SUN1: variants seen among roughly 807,000 people sequenced by gnomAD.
The protein encoded by SUN1 is Sad1 and UNC84 domain containing 1, also known as SUN domain-containing protein 1.
In SUN1, 61 loss-of-function variants were observed where a neutral mutation model predicts 103.2. The ratio of observed to expected loss-of-function variants is 0.59; its 90% CI spans 0.48 to 0.73. SUN1 has a LOEUF of 0.73. Ranked by LOEUF, SUN1 falls within the 30% of genes least tolerant of loss-of-function variation. SUN1 has a pLI of 0.00. For missense variants in SUN1, 1,052 were observed against 1,034.6 expected, an observed-to-expected ratio of 1.02 and a Z score of -0.23; for synonymous variants, 490 against 425.7, an observed-to-expected ratio of 1.15 and a Z score of -1.86.
At chr7:850,873 C>A (rs763294937) in intron 5 of SUN1, 1 of 152,116 alleles carries the variant, frequency 6.6e-6, no homozygotes, top group Non-Finnish European at 1.5e-5. Flanking sequence ...TGGCACATTC[C>A]GTCATCCGGC....
chr7:858,482 C>T (rs1402990605), intron 13 of SUN1, among the ~76,000 whole-genome samples: 1 of 152,204 alleles, frequency 6.6e-6, no homozygotes, highest in Non-Finnish European at 1.5e-5. Flanking sequence ...CACCACTGTG[C>T]GTCAGCACCC....
chr7:817,336 G>C (rs1781662137), intron 1 of SUN1: 4 of 1,310,402 alleles, frequency 3.1e-6, no homozygotes, highest in Non-Finnish European at 3.2e-6. Context: ...CGATCCCCTC[G>C]CCCCAGCCTG....
At chr7:845,861 C>G (rs1210142594) in intron 5 of SUN1, among the ~76,000 whole-genome samples, 1 of 152,056 alleles carries the variant, frequency 6.6e-6, no homozygotes, top group African/African-American at 2.4e-5. Flanking sequence ...ATGAAATGAA[C>G]CATTAACGTG....
At chr7:851,539 C>G (rs1351585922) in intron 6 of SUN1, 57 bp downstream of exon 6, 1 of 1,356,700 alleles carries the variant, frequency 7.4e-7, no homozygotes, top group Non-Finnish European at 9.9e-7. Context: ...CAGCTAAGCA[C>G]CTGCACTCGA....
chr7:822,237 TATTA>T (rs1216230157), intron 1 of SUN1, among the ~76,000 whole-genome samples: 5 of 152,274 alleles, frequency 3.3e-5, no homozygotes, highest in African/African-American at 9.6e-5. Context: ...TCTTGTAATT[TATTA>T]GTCAGTTTTA....
chr7:826,442 G>A (rs1792052368), intron 1 of SUN1, among the ~76,000 whole-genome samples: 1 of 152,138 alleles, frequency 6.6e-6, no homozygotes, highest in Admixed American at 6.5e-5. Context: ...GCGAAACATC[G>A]CTGCCCAGCC....
At chr7:846,632 G>A (rs1816076288) in intron 5 of SUN1, among the ~76,000 whole-genome samples, 1 of 152,048 alleles carries the variant, frequency 6.6e-6, no homozygotes, top group Non-Finnish European at 1.5e-5. Context: ...CCCAGATCTT[G>A]TGGGAGGCGG....
At chr7:866,108 T>C in intron 16 of SUN1, 41 bp downstream of exon 16, 2 of 1,563,218 alleles carry the variant, frequency 1.3e-6, no homozygotes, top group Non-Finnish European at 1.8e-6. Context: ...CTCTTCAGCA[T>C]GGACTCGGTT....
intron 12 of SUN1, among the ~76,000 whole-genome samples, chr7:856,910 G>A (rs568094985): frequency 6.6e-6 from 1 of 152,210 alleles, no homozygotes; most frequent in South Asian, 2.1e-4. Flanking sequence ...GGCGTGTCAC[G>A]GTGGGCCTCT....
In SUN1 at chr7:841,942, T is replaced by C; in HGVS notation, c.267-4T>C. 6.2e-7 allele frequency: 1 copy of C among 1,613,956 alleles called. No homozygotes were observed. ...ATAAACTTGCTGTTTTTTTTTCTTC[T>C]TAGAACAACAAAACAGCGCAGAAGC... On this transcript the variant is annotated splice_polypyrimidine_tract_variant and splice_region_variant and intron_variant, in intron 2 of 18. Coordinates refer to ENST00000401592, the MANE Select transcript of SUN1 (RefSeq NM_001130965.3).
In SUN1 at chr7:866,058, G is replaced by C. The variant is rs367921530; in HGVS notation, c.1971G>C (p.Val657=). The change falls in exon 16 of 19, where the codon GTG becomes GTC. Residue 657 remains valine, a synonymous_variant. Coordinates refer to ENST00000401592, the MANE Select transcript of SUN1 (RefSeq NM_001130965.3). ...GGTACTTCTCGCAGTCCCCGCGCGT[G>C]GTCATCCAGGTGAGTGGCCGCCGGT... The part of the protein sequence containing the change: ...PLWYFSQSPR[V]VIQPDIYPGN... The C allele has an allele frequency of 6.2e-7, 1 of 1,614,008 alleles. No homozygotes were observed. Among genetic ancestry groups the C allele is most frequent in the Non-Finnish European group, 8.5e-7 (1 of 1,179,952 alleles).
At chr7:826,230 A>G (rs1337237332) in intron 1 of SUN1, among the ~76,000 whole-genome samples, 4 of 152,194 alleles carry the variant, frequency 2.6e-5, no homozygotes, top group African/African-American at 9.7e-5. Flanking sequence ...CCTGTCTCTT[A>G]AAATACATAC....
intron 5 of SUN1, chr7:848,706 G>A (rs972516435): frequency 4.1e-5 from 36 of 872,652 alleles, no homozygotes; most frequent in South Asian, 8.1e-5. Flanking sequence ...CGCCTCCCTC[G>A]CTGCCTCCTC....
upstream of SUN1, chr7:832,208 C>A (rs1032433943): frequency 1.3e-6 from 1 of 748,758 alleles, no homozygotes; most frequent in Non-Finnish European, 1.8e-6. Context: ...CTGAGTTTCT[C>A]TCCGTGTTTC....
intron 11 of SUN1, among the ~76,000 whole-genome samples, chr7:855,894 C>G (rs1357680235): frequency 1.3e-5 from 2 of 152,148 alleles, no homozygotes; most frequent in African/African-American, 4.8e-5. Context: ...GTCTGTGGGG[C>G]GCCTCCTCCT....
At chr7:847,536 C>G (rs1817381876) in intron 5 of SUN1, among the ~76,000 whole-genome samples, 1 of 73,506 alleles carries the variant, frequency 1.4e-5, no homozygotes, top group African/African-American at 5.6e-5. Context: ...CTGGGGGTTA[C>G]CCCGCAGTCC....
chr7:850,773 A>C (rs1821136550), intron 5 of SUN1: 3 of 148,304 alleles, frequency 2.0e-5, no homozygotes. Context: ...AAATTAAAAA[A>C]AAAAAAAAAC....
At chr7:843,294 C>T in intron 4 of SUN1, 47 bp from the exon 5 acceptor site, 1 of 1,604,670 alleles carries the variant, frequency 6.2e-7, no homozygotes, top group South Asian at 1.1e-5. Flanking sequence ...AGTTAAATAT[C>T]TGCAGACTGT....
At chr7:868,287 C>T (rs375532391) in intron 16 of SUN1, among the ~76,000 whole-genome samples, 16 of 152,238 alleles carry the variant, frequency 1.1e-4, no homozygotes, top group East Asian at 9.6e-4. Context: ...TGCCTGGGGA[C>T]GCTGTGCTGC....
Sources: allele counts gnomAD v4.1 joint callset (sites outside exome capture counted in the v4.1 genomes callset), GRCh38; gene constraint gnomAD v4.1.1; transcripts MANE v1.5; gene names NCBI Gene and HGNC (gene_info 2026-07-23, HGNC 2026-07-21).